PAPLN: variants seen among roughly 807,000 people sequenced by gnomAD.
PAPLN encodes the protein papilin.
In PAPLN, 146 loss-of-function variants were observed where a neutral mutation model predicts 159.0. That is an observed-to-expected ratio of 0.92 (90% CI 0.80 to 1.05). PAPLN has a LOEUF of 1.05. Among genes scored for constraint, PAPLN ranks in the 50% least tolerant of loss-of-function variants. PAPLN has a pLI of 0.00. For missense variants in PAPLN, 1,720 were observed against 1,743.9 expected (o/e 0.99, Z 0.24); for synonymous variants, 734 against 702.9 (o/e 1.04, Z -0.70).
Position 73,264,259 on chromosome 14 carries a change from A to G in PAPLN, c.2910A>G (p.Ala970=). The change falls in exon 21 of 27, where the codon GCA becomes GCG. Residue 970 remains alanine, a synonymous_variant. Coordinates refer to ENST00000644200, the MANE Select transcript of PAPLN (RefSeq NM_001365906.3). The stretch of plus-strand genomic sequence containing the variant: ...CCCTGATCATCCACCCCCTGCAGGC[A>G]GAGGACGCGGGCACCTACAGCTGTG... ...DGSLIIHPLQ[A]EDAGTYSCGS... is the part of the protein sequence containing the mutation. The G allele has an allele frequency of 6.2e-7, 1 of 1,614,026 alleles. No homozygotes were observed. Among genetic ancestry groups the G allele is most frequent in the Non-Finnish European group, 8.5e-7 (1 of 1,180,002 alleles).
In PAPLN at chr14:73,245,771, C is replaced by T. The variant is rs1425992803; in HGVS notation, c.231+75C>T. The T allele has an allele frequency of 2.5e-5, 38 of 1,502,586 alleles. No individual in the cohort carries two copies. Among genetic ancestry groups the T allele is most frequent in the Non-Finnish European group, 3.2e-5 (36 of 1,121,468 alleles). 93.1% of individuals were successfully genotyped at this position (1,502,586 alleles called of 1,614,324 possible). A position where few individuals can be genotyped will look rare whatever the true frequency, so the allele number is the denominator to read the frequency against. ...TGGCCGATTTCCCCATTGGGATGCC[C>T]GCTCCTGGCCGCGGGCTGCTGGGTT... On this transcript the variant is annotated intron_variant, in intron 4 of 26. Coordinates refer to ENST00000644200, the MANE Select transcript of PAPLN (RefSeq NM_001365906.3). This position sits in a 1 kb window ranked among gnomAD's most constrained non-coding sequence, Gnocchi z 4.2.
Position 73,272,947 on chromosome 14 carries a change from T to C in PAPLN, c.*283T>C, listed in dbSNP as rs1887865509. ...AAAAACCTTTACTTTACAGCTTCCC[T>C]TTATAATTTGTTACACAGGAATAGT... On this transcript the variant is annotated 3_prime_UTR_variant, in exon 27 of 27. Transcript: ENST00000644200. 3.5e-6 allele frequency: 1 copy of C among 288,366 alleles called. No individual in the cohort carries two copies. Among genetic ancestry groups the C allele is most frequent in the Non-Finnish European group, 6.4e-6 (1 of 156,832 alleles). The allele number at this position is 288,366 out of a possible 1,614,324, so 17.9% of individuals were successfully genotyped here.
At position 73,272,770 on chromosome 14, in the gene PAPLN, T is replaced by C; in HGVS notation, c.*106T>C. ...CTCTGGCTGGCAAAGGGAGTTATCT[T>C]CTGGAATACATTAGCTCTTTCAAAA... On this transcript the variant is annotated 3_prime_UTR_variant, in exon 27 of 27. Coordinates refer to ENST00000644200, the MANE Select transcript of PAPLN (RefSeq NM_001365906.3). 2 of 1,268,164 alleles carry C rather than the reference T, an allele frequency of 1.6e-6. No individual in the cohort carries two copies. Among genetic ancestry groups the C allele is most frequent in the Non-Finnish European group, 2.1e-6 (2 of 958,050 alleles). 78.6% of individuals were successfully genotyped at this position (1,268,164 alleles called of 1,614,324 possible).
Position 73,274,323 on chromosome 14 carries a change from C to T in PAPLN, c.*1659C>T, listed in dbSNP as rs1391442260. 2 of 152,200 alleles carry T rather than the reference C, an allele frequency of 1.3e-5. No homozygotes were observed. The highest frequency in any genetic ancestry group is 4.8e-5 in the African/African-American group (2 of 41,456). The allele number at this position is 152,200 out of a possible 1,614,324, so 9.4% of individuals were successfully genotyped here. ...AGTCCCTTTCCACTTTAACCTTCTA[C>T]AAATCTTTCAGAGGACTGCCTAGTA... On this transcript the variant is annotated 3_prime_UTR_variant, in exon 27 of 27. Transcript: ENST00000644200.
intron 16 of PAPLN, 46 bp from the exon 17 acceptor site, chr14:73,260,663 C>T (rs746514447): frequency 6.9e-5 from 97 of 1,401,210 alleles, no homozygotes; most frequent in Non-Finnish European, 8.0e-5. Flanking sequence ...ATGCAGGGAG[C>T]GTGGGGGCAG....
Position 73,252,001 on chromosome 14 carries a change from G to A in PAPLN, c.844-17G>A. ...GCTCCCCAGCAGCAGACCCCAACAA[G>A]GACTCTCCCGTGACAGCTCATCAGC... On this transcript the variant is annotated splice_polypyrimidine_tract_variant and intron_variant, in intron 9 of 26. Coordinates refer to ENST00000644200, the MANE Select transcript of PAPLN (RefSeq NM_001365906.3). 1.3e-6 allele frequency: 2 copies of A among 1,597,424 alleles called. No homozygotes were observed. Among genetic ancestry groups the A allele is most frequent in the Non-Finnish European group, 1.7e-6 (2 of 1,170,838 alleles).
rs177388 is a variant in PAPLN at position 73,261,306 on chromosome 14, C to A, written c.2245+12C>A. On this transcript the variant is annotated intron_variant, in intron 18 of 26. Coordinates refer to ENST00000644200, the MANE Select transcript of PAPLN (RefSeq NM_001365906.3). ...CCAGCCCAGCCATGGTGAGTGGACA[C>A]CCCCTCTCCTCCTTCTCGATGGGTA... 8 of 1,612,622 alleles carry A rather than the reference C, an allele frequency of 5.0e-6. No homozygotes were observed. The highest frequency in any genetic ancestry group is 4.0e-5 in the African/African-American group (3 of 74,990).
intron 6 of PAPLN, among the ~76,000 whole-genome samples, chr14:73,250,456 G>A (rs1186619434): frequency 6.6e-6 from 1 of 152,198 alleles, no homozygotes; most frequent in Non-Finnish European, 1.5e-5. Context: ...CCAGCATCAG[G>A]ATCTGGCCCA....
At position 73,259,522 on chromosome 14, in the gene PAPLN, T is replaced by TGG; in HGVS notation, c.1965_1966dup (p.Ala656GlyfsTer147). The stretch of plus-strand genomic sequence containing the variant: ...TCGGGCCTCAGTGGCAAGGCTGCCC[T>TGG]GGGGCCCCCTGTCAGCAGAGCAGGT... On this transcript the variant is annotated frameshift_variant, in exon 16 of 27. Transcript: ENST00000644200. LOFTEE classifies it high-confidence loss of function. 6.3e-7 allele frequency: 1 copy of TGG among 1,585,928 alleles called. No homozygotes were observed. The highest frequency in any genetic ancestry group is 8.6e-7 in the Non-Finnish European group (1 of 1,165,508).
At position 73,260,749 on chromosome 14, in the gene PAPLN, C is replaced by T; in HGVS notation, c.2026C>T (p.Pro676Ser). 6.8e-7 allele frequency: 1 copy of T among 1,475,188 alleles called. No homozygotes were observed. 91.4% of individuals were successfully genotyped at this position (1,475,188 alleles called of 1,614,324 possible). A position where few individuals can be genotyped will look rare whatever the true frequency, so the allele number is the denominator to read the frequency against. Reference protein sequence around the residue: ...CPDRVSVAEGPHHAGCTKSYG... With the variant: ...CPDRVSVAEGSHHAGCTKSYG... ...TGACAGGGTATCTGTCGCTGAGGGGCCCCATCACGCTGGCTGCACAAAGTC... is the reference window on the plus strand; with the variant it reads ...TGACAGGGTATCTGTCGCTGAGGGGTCCCATCACGCTGGCTGCACAAAGTC... Residue 676 changes from proline to serine, a missense_variant, in exon 17 of 27, where the codon CCC becomes TCC. Pro to Ser is a moderately conservative substitution (Grantham distance 74). Transcript: ENST00000644200.
At chr14:73,259,661 AAT>A in intron 16 of PAPLN, 116 bp downstream of exon 16, 1 of 1,292,332 alleles carries the variant, frequency 7.7e-7, no homozygotes, top group Non-Finnish European at 1.0e-6. Flanking sequence ...AGAGCTCAGG[AAT>A]AGGATGCCCA....
chr14:73,266,392 G>A, intron 23 of PAPLN, 109 bp from the exon 24 acceptor site: 5 of 1,352,574 alleles, frequency 3.7e-6, no homozygotes, highest in Non-Finnish European at 5.0e-6. Flanking sequence ...CTCTCACCAG[G>A]GACCTAGAAG....
intron 26 of PAPLN, 21 bp downstream of exon 26, chr14:73,268,744 G>T: frequency 6.3e-7 from 1 of 1,581,502 alleles, no homozygotes; most frequent in South Asian, 1.2e-5. Flanking sequence ...TCTATATCCG[G>T]GGATGGGAAG....
Position 73,253,762 on chromosome 14 carries a change from C to A in PAPLN, c.1103C>A (p.Ala368Glu). Residue 368 changes from alanine to glutamate, a missense_variant, in exon 12 of 27, where the codon GCA becomes GAA. Coordinates refer to ENST00000644200, the MANE Select transcript of PAPLN (RefSeq NM_001365906.3). ...ATTCCCCCTCCTGCCAGCTGGAAGG[C>A]AGGGCCATGGGCACCCTGCTCAGCC... The part of the protein sequence containing the change: ...HPCPETKRWK[A>E]GPWAPCSASC... 6.3e-7 allele frequency: 1 copy of A among 1,593,940 alleles called. No homozygotes were observed. The highest frequency in any genetic ancestry group is 8.6e-7 in the Non-Finnish European group (1 of 1,165,692).
At chr14:73,259,203 C>T (rs890052609) in intron 15 of PAPLN, 66 bp from the exon 16 acceptor site, 3 of 1,526,090 alleles carry the variant, frequency 2.0e-6, no homozygotes, top group Admixed American at 2.1e-5. Flanking sequence ...GTGGGTCCAA[C>T]GTGGACAGGG....
At position 73,246,055 on chromosome 14, in the gene PAPLN, T is replaced by A; in HGVS notation, c.232-18T>A. On this transcript the variant is annotated intron_variant, in intron 4 of 26. Transcript: ENST00000644200. ...GGACTCCGCCCTCCTGGATCCCGAC[T>A]TCCCCTCCGCCCCGCAGAGCTGCCC... is the stretch of plus-strand genomic sequence containing the variant. 1 of 1,521,760 alleles carries A rather than the reference T, an allele frequency of 6.6e-7. No individual in the cohort carries two copies. Among genetic ancestry groups the A allele is most frequent in the Non-Finnish European group, 8.8e-7 (1 of 1,138,824 alleles). 94.3% of individuals were successfully genotyped at this position (1,521,760 alleles called of 1,614,324 possible). A position where few individuals can be genotyped will look rare whatever the true frequency, so the allele number is the denominator to read the frequency against.
rs779195978 is a variant in PAPLN at position 73,264,768 on chromosome 14, G to A, written c.3125+42G>A. On this transcript the variant is annotated intron_variant, in intron 22 of 26. Coordinates refer to ENST00000644200, the MANE Select transcript of PAPLN (RefSeq NM_001365906.3). ...GCCATCTTGCCCTCCCCCACGCCAG[G>A]GCCAGGGCCGGGGGTCTCAGTGGAT... The A allele has an allele frequency of 4.4e-6, 7 of 1,608,298 alleles. No individual in the cohort carries two copies. The South Asian group carries it at 7.7e-5, about 18-fold the overall frequency.
At chr14:73,249,078 C>T (rs1884931910) in intron 5 of PAPLN, among the ~76,000 whole-genome samples, 1 of 152,144 alleles carries the variant, frequency 6.6e-6, no homozygotes, top group Middle Eastern at 3.2e-3. Context: ...CTGCTGTGAG[C>T]TTTGATCGTG....
chr14:73,272,816 CA>C lies in PAPLN; in HGVS notation c.*154del. ...CAAAAACCCACCCAGTGTTTAGCCT[CA>C]ACGGCAGCCAGTTACCAGCTTCTCT... is the stretch of plus-strand genomic sequence containing the variant. On this transcript the variant is annotated 3_prime_UTR_variant, in exon 27 of 27. Coordinates refer to ENST00000644200, the MANE Select transcript of PAPLN (RefSeq NM_001365906.3). 1 of 734,910 alleles carries C rather than the reference CA, an allele frequency of 1.4e-6. No homozygotes were observed. Among genetic ancestry groups the C allele is most frequent in the Non-Finnish European group, 1.9e-6 (1 of 517,918 alleles). 45.5% of individuals were successfully genotyped at this position (734,910 alleles called of 1,614,324 possible).
Sources: gnomAD v4.1 joint callset for allele counts (sites outside exome capture counted in the v4.1 genomes callset) on GRCh38, gnomAD v4.1.1 for gene constraint, Gnocchi (gnomAD v3.1) non-coding constraint, MANE v1.5 for transcripts, NCBI Gene and HGNC (gene_info 2026-07-23, HGNC 2026-07-21) for gene names.